The following LAMA2 variants were observed in gnomAD, a reference collection of about 807,000 sequenced individuals.
LAMA2 encodes the protein laminin subunit alpha-2.
LAMA2 carries 269 observed loss-of-function variants against 364.8 expected under a neutral mutation model. The observed-to-expected ratio is 0.74, with a 90% CI of 0.67 to 0.82. LAMA2 has a LOEUF of 0.82. LAMA2 is among the 40% of genes least tolerant of loss of function. LAMA2 has a pLI of 0.00. For missense variants in LAMA2, 3,807 were observed against 3,873.2 expected (o/e 0.98, Z 0.45); for synonymous variants, 1,379 against 1,370.6 (o/e 1.01, Z -0.14).
At chr6:129,435,394 C>CTT (rs1164732282) in intron 41 of LAMA2, among the ~76,000 whole-genome samples, 1 of 152,034 alleles carries the variant, frequency 6.6e-6, no homozygotes, top group Non-Finnish European at 1.5e-5. Flanking sequence ...AGAGAGTATG[C>CTT]TTTTGGTAGC....
chr6:129,265,803 G>A (rs180835726), intron 15 of LAMA2, among the ~76,000 whole-genome samples: 224 of 152,050 alleles, frequency 1.5e-3, no homozygotes, highest in Middle Eastern at 6.8e-3. Flanking sequence ...ACCATGGCAC[G>A]TGTATACCTA....
intron 22 of LAMA2, among the ~76,000 whole-genome samples, chr6:129,312,246 A>G (rs996977532): frequency 1.3e-5 from 2 of 152,214 alleles, no homozygotes; most frequent in Non-Finnish European, 2.9e-5. Flanking sequence ...TTGGGCGAAG[A>G]AAAACGTTAC....
intron 17 of LAMA2, among the ~76,000 whole-genome samples, chr6:129,278,026 A>AC (rs1788447535): frequency 6.6e-6 from 1 of 151,858 alleles, no homozygotes; most frequent in African/African-American, 2.4e-5. Context: ...ATATGGTGAG[A>AC]CCCCATTTCT....
chr6:128,959,772 A>G (rs913635551), intron 1 of LAMA2, among the ~76,000 whole-genome samples: 3 of 152,114 alleles, frequency 2.0e-5, no homozygotes, highest in Non-Finnish European at 4.4e-5. Context: ...GTTGAAATAC[A>G]CTATATAGTT....
intron 3 of LAMA2, among the ~76,000 whole-genome samples, chr6:129,068,772 T>C (rs1429025548): frequency 6.6e-6 from 1 of 152,202 alleles, no homozygotes; most frequent in Non-Finnish European, 1.5e-5. Flanking sequence ...ACTTACAGCT[T>C]TATTTAGGAA....
chr6:128,932,536 T>TA (rs747328009), intron 1 of LAMA2, among the ~76,000 whole-genome samples: 64 of 151,700 alleles, frequency 4.2e-4, no homozygotes, highest in Non-Finnish European at 8.5e-4. Context: ...CTGTACACCC[T>TA]AAAAAAAAGG....
intron 1 of LAMA2, chr6:128,928,876 G>C (rs1480907462): frequency 3.0e-6 from 2 of 668,700 alleles, no homozygotes; most frequent in African/African-American, 3.6e-5. Flanking sequence ...CTTTGTGAGA[G>C]AATAGTGTTT....
At chr6:129,410,146 C>A (rs9321164) in intron 40 of LAMA2, among the ~76,000 whole-genome samples, 76,011 of 151,706 alleles carry the variant, frequency 0.5, 19,509 homozygotes, top group African/African-American at 0.62. Context: ...AGAATGAATT[C>A]CATAGTTCAG....
chr6:129,424,443 A>T (rs2114735009), intron 40 of LAMA2, among the ~76,000 whole-genome samples: 1 of 152,002 alleles, frequency 6.6e-6, no homozygotes, highest in Non-Finnish European at 1.5e-5. Flanking sequence ...ATGAAAAGAT[A>T]ACTACAAACT....
intron 1 of LAMA2, among the ~76,000 whole-genome samples, chr6:128,962,612 A>G (rs1781604755): frequency 6.6e-6 from 1 of 152,194 alleles, no homozygotes; most frequent in Non-Finnish European, 1.5e-5. Context: ...TAAACAATAA[A>G]GTAATAACAT....
chr6:129,029,940 A>G (rs1244762363), intron 1 of LAMA2, among the ~76,000 whole-genome samples: 4 of 152,080 alleles, frequency 2.6e-5, no homozygotes, highest in African/African-American at 9.7e-5. Flanking sequence ...TACATATTAA[A>G]GGCCACCTCT....
chr6:129,421,329 A>G (rs1781061903), intron 40 of LAMA2, among the ~76,000 whole-genome samples: 1 of 151,876 alleles, frequency 6.6e-6, no homozygotes, highest in African/African-American at 2.4e-5. Flanking sequence ...GTATATCCAT[A>G]TGTATGAATA....
At chr6:129,134,199 A>T (rs1346532282) in intron 4 of LAMA2, among the ~76,000 whole-genome samples, 1 of 152,176 alleles carries the variant, frequency 6.6e-6, no homozygotes, top group East Asian at 1.9e-4. Context: ...TTTGTTTTCT[A>T]TCGGAACTTT....
In LAMA2 at chr6:129,280,148, G is replaced by T. The variant is rs1433459701; in HGVS notation, c.2537+1G>T. The T allele has an allele frequency of 6.3e-7, 1 of 1,586,328 alleles. No homozygotes were observed. Among genetic ancestry groups the T allele is most frequent in the East Asian group, 2.2e-5 (1 of 44,728 alleles). Reference sequence around the variant, plus strand: ...GGTACACAGGACCACGCTGTGAGAGGTAAGAGTATACTACACTGTCTTGCA... The same window carrying T: ...GGTACACAGGACCACGCTGTGAGAGTTAAGAGTATACTACACTGTCTTGCA... On this transcript the variant is annotated splice_donor_variant, in intron 18 of 64. Coordinates refer to ENST00000421865, the MANE Select transcript of LAMA2 (RefSeq NM_000426.4). LOFTEE classifies it high-confidence loss of function.
chr6:129,020,108 A>G (rs1475796474), intron 1 of LAMA2, among the ~76,000 whole-genome samples: 4 of 151,960 alleles, frequency 2.6e-5, no homozygotes, highest in African/African-American at 7.2e-5. Context: ...AAAAGAAAAA[A>G]AAAAAAAAAA....
At chr6:129,290,607 A>G (rs1789626210) in intron 19 of LAMA2, among the ~76,000 whole-genome samples, 1 of 152,208 alleles carries the variant, frequency 6.6e-6, no homozygotes, top group South Asian at 2.1e-4. Context: ...CAGAAATTTA[A>G]CAAAATCATC....
intron 37 of LAMA2, among the ~76,000 whole-genome samples, chr6:129,394,878 T>C (rs553818739): frequency 6.6e-6 from 1 of 152,360 alleles, no homozygotes; most frequent in East Asian, 1.9e-4. Flanking sequence ...GTATAGTCGG[T>C]ATTGAAATTC....
At chr6:129,513,150 T>C (rs1786738140) in intron 63 of LAMA2, among the ~76,000 whole-genome samples, 2 of 152,170 alleles carry the variant, frequency 1.3e-5, no homozygotes, top group African/African-American at 4.8e-5. Context: ...TAAATAGGAA[T>C]CGTACTTCAA....
intron 49 of LAMA2, among the ~76,000 whole-genome samples, chr6:129,461,444 A>C (rs1244633855): frequency 1.3e-5 from 2 of 152,060 alleles, no homozygotes; most frequent in Non-Finnish European, 2.9e-5. Context: ...CATTGTTTAA[A>C]ATGGTTTTGT....
Sources: allele counts gnomAD v4.1 joint callset (sites outside exome capture counted in the v4.1 genomes callset), GRCh38; gene constraint gnomAD v4.1.1; transcripts MANE v1.5; gene names NCBI Gene and HGNC (gene_info 2026-07-23, HGNC 2026-07-21).